The following SLC8A1 variants were observed in gnomAD, a reference collection of about 807,000 sequenced individuals.
SLC8A1 encodes sodium/calcium exchanger 1.
Under a neutral mutation model 68.3 loss-of-function variants are expected in SLC8A1, and 18 were observed. That is an observed-to-expected ratio of 0.26 (90% CI 0.18 to 0.39). The LOEUF is 0.39. Among genes scored for constraint, SLC8A1 ranks in the 10% least tolerant of loss-of-function variants. The probability of loss-of-function intolerance (pLI) is 1.00; values close to 1 mark genes in which losing one functional copy is unlikely to be tolerated. For synonymous variants in SLC8A1, 475 were observed against 415.5 expected, an observed-to-expected ratio of 1.14 and a Z score of -1.74; for missense variants, 985 against 1,156.7, an observed-to-expected ratio of 0.85 and a Z score of 2.15.
intron 2 of SLC8A1, among the ~76,000 whole-genome samples, chr2:40,350,333 T>A (rs13014950): frequency 0.49 from 74,040 of 151,554 alleles, 18,720 homozygotes; most frequent in East Asian, 0.68. Flanking sequence ...ATTTAAATAT[T>A]AGCTGACTGT....
upstream of SLC8A1, among the ~76,000 whole-genome samples, chr2:40,456,207 T>G (rs1703006116): frequency 6.6e-6 from 1 of 150,758 alleles, no homozygotes. Context: ...TCCCAGCTAC[T>G]TGGGAGGCTG....
In SLC8A1 at chr2:40,400,559, T is replaced by C. The variant is rs551632237; in HGVS notation, c.1808+27914A>G. ...CCTGAGTCAAAGTCCTTTGTAAAAC[T>C]TTCATGGATCACATGAGGAGGAAAG... On this transcript the variant is annotated intron_variant, in intron 2 of 7. Transcript: ENST00000406785. 1.2e-3 allele frequency among the ~76,000 whole-genome samples: 181 copies of C among 152,178 alleles called. 1 individual carries two copies. The highest frequency in any genetic ancestry group is 4.2e-3 in the African/African-American group (176 of 41,502).
At chr2:40,386,784 C>A (rs1008647763) in intron 2 of SLC8A1, among the ~76,000 whole-genome samples, 1 of 150,894 alleles carries the variant, frequency 6.6e-6, no homozygotes, top group Admixed American at 6.6e-5. Flanking sequence ...TATAAGCAAA[C>A]AGGCCAGTTT....
chr2:40,124,028 T>A (rs2037510106), intron 7 of SLC8A1, among the ~76,000 whole-genome samples: 2 of 152,218 alleles, frequency 1.3e-5, no homozygotes, highest in Admixed American at 1.3e-4. Context: ...TTCTGGAACA[T>A]CCATCTCCTA....
At chr2:40,280,692 T>C (rs2067382957) in intron 2 of SLC8A1, among the ~76,000 whole-genome samples, 1 of 152,090 alleles carries the variant, frequency 6.6e-6, no homozygotes, top group African/African-American at 2.4e-5. Context: ...ATATATGATG[T>C]CACAGATATA....
chr2:40,202,899 C>G (rs1267243115), intron 2 of SLC8A1, among the ~76,000 whole-genome samples: 2 of 151,924 alleles, frequency 1.3e-5, no homozygotes, highest in South Asian at 2.1e-4. Flanking sequence ...CCAGGGGAAC[C>G]TAATGCCAAA....
chr2:40,375,110 G>T (rs1391834534), intron 2 of SLC8A1, among the ~76,000 whole-genome samples: 3 of 152,064 alleles, frequency 2.0e-5, no homozygotes, highest in African/African-American at 7.2e-5. Flanking sequence ...TTGGTAAGTT[G>T]ATGCTGTGTT....
intron 2 of SLC8A1, among the ~76,000 whole-genome samples, chr2:40,406,094 G>C (rs1162957547): frequency 2.0e-5 from 3 of 152,090 alleles, no homozygotes; most frequent in African/African-American, 7.2e-5. Context: ...GTTAATATTG[G>C]ATTCATTTGT....
At chr2:40,406,086 T>C (rs1450206273) in intron 2 of SLC8A1, among the ~76,000 whole-genome samples, 1 of 152,194 alleles carries the variant, frequency 6.6e-6, no homozygotes, top group Non-Finnish European at 1.5e-5. Context: ...AAAATGCAGT[T>C]AATATTGGAT....
chr2:40,442,868 C>T (rs1231906662), intron 1 of SLC8A1, among the ~76,000 whole-genome samples: 2 of 151,982 alleles, frequency 1.3e-5, no homozygotes, highest in African/African-American at 2.4e-5. Flanking sequence ...TGCCCATCAA[C>T]GAGAGGCTGG....
At chr2:40,106,171 A>C (rs2125039733) in exon 8 of SLC8A1, 1 of 152,366 alleles carries the variant, frequency 6.6e-6, no homozygotes, top group East Asian at 1.9e-4. Context: ...TTTTGAAGGA[A>C]GGAAAACTTT....
At chr2:40,335,121 T>C (rs74467756) in intron 2 of SLC8A1, among the ~76,000 whole-genome samples, 3,491 of 152,326 alleles carry the variant, frequency 0.023, 61 homozygotes, top group Non-Finnish European at 0.032. Flanking sequence ...TAAATAGATA[T>C]AGGGAAATAG....
intron 2 of SLC8A1, among the ~76,000 whole-genome samples, chr2:40,287,135 A>C (rs546589848): frequency 6.6e-6 from 1 of 152,342 alleles, no homozygotes; most frequent in East Asian, 1.9e-4. Context: ...AACACTAAAA[A>C]AATATGTAAG....
chr2:40,299,808 A>G (rs999798509), intron 2 of SLC8A1, among the ~76,000 whole-genome samples: 2 of 152,196 alleles, frequency 1.3e-5, no homozygotes, highest in African/African-American at 4.8e-5. Context: ...TAGGACAGAA[A>G]CAAAGTGAAT....
At chr2:40,470,060 T>G (rs928383940) in intron 1 of SLC8A1, among the ~76,000 whole-genome samples, 1 of 151,480 alleles carries the variant, frequency 6.6e-6, no homozygotes, top group Non-Finnish European at 1.5e-5. Context: ...GTTTCAACAT[T>G]GTTTTAGTAC....
chr2:40,287,622 A>ATGTGTGTGTGTGTGTGTG (rs1553475996), intron 2 of SLC8A1, among the ~76,000 whole-genome samples: 2 of 72,078 alleles, frequency 2.8e-5, no homozygotes, highest in Non-Finnish European at 5.6e-5. Flanking sequence ...GTGTGTGTGC[A>ATGTGTGTGTGTGTGTGTG]TGCAGGGACA....
intron 2 of SLC8A1, among the ~76,000 whole-genome samples, chr2:40,389,427 C>T (rs1684601086): frequency 6.6e-6 from 1 of 151,968 alleles, no homozygotes; most frequent in Non-Finnish European, 1.5e-5. Context: ...CAGGATTTTC[C>T]TCACTCTGAA....
At position 40,281,678 on chromosome 2, in the gene SLC8A1, G is replaced by C. The variant is rs192750555; in HGVS notation, c.1809-103823C>G. Among the ~76,000 whole-genome samples the C allele has an allele frequency of 4.8e-4, 73 of 152,344 alleles. 1 individual carries two copies. The highest frequency in any genetic ancestry group is 8.5e-4 in the Admixed American group (13 of 15,302). On this transcript the variant is annotated intron_variant, in intron 2 of 7. Transcript: ENST00000406785. Reference sequence around the variant, plus strand: ...CTTACAAAGAAAAGCTGTTAAGTCTGTGGAGCTGGGAATGTCTGGAAAGAG... The same window carrying C: ...CTTACAAAGAAAAGCTGTTAAGTCTCTGGAGCTGGGAATGTCTGGAAAGAG...
At chr2:40,200,547 C>T (rs1391039392) in intron 2 of SLC8A1, among the ~76,000 whole-genome samples, 2 of 151,096 alleles carry the variant, frequency 1.3e-5, no homozygotes, top group African/African-American at 4.9e-5. Context: ...ATTTTGGAAG[C>T]TTAGTCCCTC....
Sources: gnomAD v4.1 joint callset for allele counts (sites outside exome capture counted in the v4.1 genomes callset) on GRCh38, gnomAD v4.1.1 for gene constraint, MANE v1.5 for transcripts, NCBI Gene and HGNC (gene_info 2026-07-23, HGNC 2026-07-21) for gene names.